PPM1L: variants seen among roughly 807,000 people sequenced by gnomAD.
PPM1L encodes the protein protein phosphatase 1L.
Under a neutral mutation model 31.4 loss-of-function variants are expected in PPM1L, and 13 were observed. The ratio of observed to expected loss-of-function variants is 0.41; its 90% CI spans 0.27 to 0.66. The LOEUF (loss-of-function observed/expected upper bound fraction) is 0.66. Ranked by LOEUF, PPM1L falls within the 30% of genes least tolerant of loss-of-function variation. The probability of loss-of-function intolerance (pLI) is 0.29; values close to 1 mark genes in which losing one functional copy is unlikely to be tolerated. For missense variants in PPM1L, 326 were observed against 453.7 expected, an observed-to-expected ratio of 0.72 and a Z score of 2.56; for synonymous variants, 184 against 175.4, an observed-to-expected ratio of 1.05 and a Z score of -0.39.
intron 1 of PPM1L, among the ~76,000 whole-genome samples, chr3:160,858,720 G>T (rs1711801233): frequency 6.6e-6 from 1 of 152,110 alleles, no homozygotes; most frequent in Non-Finnish European, 1.5e-5. Context: ...TAAAATTCAA[G>T]AGTATCTACA....
intron 2 of PPM1L, among the ~76,000 whole-genome samples, chr3:161,001,958 G>C (rs1429049231): frequency 2.6e-5 from 4 of 151,770 alleles, no homozygotes; most frequent in Non-Finnish European, 5.9e-5. Flanking sequence ...TCTAGCATTA[G>C]GTATATCTCC....
chr3:160,982,063 GC>G (rs765879614), intron 2 of PPM1L, among the ~76,000 whole-genome samples: 11 of 152,114 alleles, frequency 7.2e-5, no homozygotes, highest in Non-Finnish European at 1.2e-4. Flanking sequence ...ACTGCGCTTG[GC>G]CCCCTCTCGT....
At chr3:161,062,504 C>G (rs759850788) in intron 2 of PPM1L, among the ~76,000 whole-genome samples, 26 of 152,210 alleles carry the variant, frequency 1.7e-4, no homozygotes, top group Non-Finnish European at 3.7e-4. Context: ...TTCAGATCCT[C>G]ATTAATTCCA....
chr3:160,879,759 G>A lies in PPM1L; in HGVS notation c.400-81977G>A, dbSNP rs562759374. On this transcript the variant is annotated intron_variant, in intron 1 of 3. Transcript: ENST00000498165. ...TCCCACACCTAGAGTTTCTGATTTTGTAAGTCTAGGGTGTGTGCAGCTTGA... is the reference window on the plus strand; with the variant it reads ...TCCCACACCTAGAGTTTCTGATTTTATAAGTCTAGGGTGTGTGCAGCTTGA... 6.6e-5 allele frequency among the ~76,000 whole-genome samples: 10 copies of A among 152,310 alleles called. No individual in the cohort carries two copies. The South Asian group carries it at 1.9e-3, about 28-fold the overall frequency.
rs531909206 is a variant in PPM1L, at chr3:160,806,940, A to T, written c.399+50233A>T. ...GGAAAGAAAGAGAGGGAAAGAAAGA[A>T]AGAAAGAAAAGAGAGAAAGGAAAGA... is the stretch of plus-strand genomic sequence containing the variant. On this transcript the variant is annotated intron_variant, in intron 1 of 3. Transcript: ENST00000498165. Among the ~76,000 whole-genome samples, 195 of 152,092 alleles carry T rather than the reference A, an allele frequency of 1.3e-3. No individual in the cohort carries two copies. In the Middle Eastern group the frequency reaches 0.017, roughly 13 times the overall value.
chr3:160,913,654 A>G (rs1451412829), intron 1 of PPM1L, among the ~76,000 whole-genome samples: 2 of 152,234 alleles, frequency 1.3e-5, no homozygotes, highest in South Asian at 4.1e-4. Flanking sequence ...ATCGTATAAT[A>G]TGTACTCTTA....
chr3:160,869,085 AT>A (rs1278267295), intron 1 of PPM1L, among the ~76,000 whole-genome samples: 3 of 152,180 alleles, frequency 2.0e-5, no homozygotes, highest in Non-Finnish European at 4.4e-5. Context: ...AATTTGTTTA[AT>A]TACTCAGCTT....
At chr3:160,922,383 A>G (rs1220208864) in intron 1 of PPM1L, among the ~76,000 whole-genome samples, 2 of 152,136 alleles carry the variant, frequency 1.3e-5, no homozygotes, top group Non-Finnish European at 2.9e-5. Flanking sequence ...AACCCATTTT[A>G]TAGTTACTTT....
At chr3:160,789,910 A>C (rs1268680349) in intron 1 of PPM1L, among the ~76,000 whole-genome samples, 1 of 152,108 alleles carries the variant, frequency 6.6e-6, no homozygotes. Context: ...TCAATTTCCT[A>C]ATATAAAGTG....
At chr3:160,843,546 C>T (rs1474302554) in intron 1 of PPM1L, among the ~76,000 whole-genome samples, 14 of 146,466 alleles carry the variant, frequency 9.6e-5, no homozygotes, top group Non-Finnish European at 2.1e-4. Flanking sequence ...ATACATGTGC[C>T]ATGTTGGTGT....
rs141545778 is a variant in PPM1L, at chr3:160,927,606, ATGTG to A, written c.400-34111_400-34108del. On this transcript the variant is annotated intron_variant, in intron 1 of 3. Coordinates refer to ENST00000498165, the MANE Select transcript of PPM1L (RefSeq NM_139245.4). ...ATTTCATGAGATCTTTCATTTCCCT[ATGTG>A]TGTGTGTGTGTGTGTGTGCGTGCGT... 5.9e-4 allele frequency among the ~76,000 whole-genome samples: 88 copies of A among 148,452 alleles called. 1 individual carries two copies. Among genetic ancestry groups the A allele is most frequent in the Non-Finnish European group, 1.1e-3 (73 of 66,858 alleles).
chr3:161,046,520 G>A (rs1475325182), intron 2 of PPM1L, among the ~76,000 whole-genome samples: 2 of 152,130 alleles, frequency 1.3e-5, no homozygotes, highest in South Asian at 2.1e-4. Flanking sequence ...ACAAGGAGGA[G>A]CTGGTACCAT....
intron 1 of PPM1L, among the ~76,000 whole-genome samples, chr3:160,900,626 T>C (rs1560144229): frequency 1.3e-5 from 2 of 152,138 alleles, no homozygotes. Context: ...GTACTTTACC[T>C]ATACGTTTTG....
intron 2 of PPM1L, among the ~76,000 whole-genome samples, chr3:161,001,813 A>G (rs947810817): frequency 2.0e-5 from 3 of 152,122 alleles, no homozygotes; most frequent in South Asian, 2.1e-4. Context: ...TAAAGTGTTT[A>G]CATTTTAAGG....
intron 2 of PPM1L, among the ~76,000 whole-genome samples, chr3:161,062,778 G>C (rs1457708938): frequency 6.6e-6 from 1 of 152,174 alleles, no homozygotes; most frequent in Non-Finnish European, 1.5e-5. Flanking sequence ...GGCTGGGGAA[G>C]GGGCCTTTAA....
chr3:161,054,125 T>C (rs1719349269), intron 2 of PPM1L, among the ~76,000 whole-genome samples: 1 of 152,010 alleles, frequency 6.6e-6, no homozygotes. Context: ...CCTGCATATA[T>C]GGGCGTGTCC....
chr3:160,776,771 T>C (rs1293284879), intron 1 of PPM1L, among the ~76,000 whole-genome samples: 1 of 151,916 alleles, frequency 6.6e-6, no homozygotes, highest in African/African-American at 2.4e-5. Flanking sequence ...TGACTAATTT[T>C]TGTATTTTTA....
chr3:161,025,185 T>A (rs2108075220), intron 2 of PPM1L, among the ~76,000 whole-genome samples: 1 of 152,318 alleles, frequency 6.6e-6, no homozygotes, highest in East Asian at 1.9e-4. Flanking sequence ...GTGTTGCCTG[T>A]GTGACAGTAT....
chr3:161,005,213 C>T (rs573300131), intron 2 of PPM1L, among the ~76,000 whole-genome samples: 1,699 of 152,124 alleles, frequency 0.011, 34 homozygotes, highest in African/African-American at 0.039. Flanking sequence ...TGTAGTTGAG[C>T]GGTTTTGAGT....
Sources: gnomAD v4.1 joint callset for allele counts (sites outside exome capture counted in the v4.1 genomes callset) on GRCh38, gnomAD v4.1.1 for gene constraint, MANE v1.5 for transcripts, NCBI Gene and HGNC (gene_info 2026-07-23, HGNC 2026-07-21) for gene names.